ZNF318: variants seen among roughly 807,000 people sequenced by gnomAD.
ZNF318 encodes the protein endocrine regulator.
Under a neutral mutation model 124.2 loss-of-function variants are expected in ZNF318, and 51 were observed. The ratio of observed to expected loss-of-function variants is 0.41; its 90% CI spans 0.33 to 0.52. The LOEUF is 0.52. Ranked by LOEUF, ZNF318 falls within the 20% of genes least tolerant of loss-of-function variation. The pLI is 0.23. For missense variants in ZNF318, 2,815 were observed against 2,811.2 expected, an observed-to-expected ratio of 1.00 and a Z score of -0.03; for synonymous variants, 1,090 against 1,040.7, an observed-to-expected ratio of 1.05 and a Z score of -0.91.
At chr6:43,363,703 T>C (rs1034822312) in intron 2 of ZNF318, 7 of 553,032 alleles carry the variant, frequency 1.3e-5, no homozygotes, top group African/African-American at 1.2e-4. Flanking sequence ...CACTGACTTT[T>C]TCCTGGGGGC....
In ZNF318 at chr6:43,364,140, C is replaced by T. The variant is rs1779726735; in HGVS notation, c.548+1152G>A. ...AACTTCGCCAAGGCCACCTTTGATG[C>T]CATCTCTAAGACCTACAGCTACCTG... On this transcript the variant is annotated intron_variant, in intron 2 of 9. Transcript: ENST00000361428. The T allele has an allele frequency of 1.5e-5, 15 of 1,032,124 alleles. 1 individual carries two copies. The South Asian group carries it at 1.5e-4, about 10-fold the overall frequency. The allele number at this position is 1,032,124 out of a possible 1,614,324, so 63.9% of individuals were successfully genotyped here.
Position 43,342,282 on chromosome 6 carries a change from T to C in ZNF318, c.3277-71A>G, listed in dbSNP as rs575818038. On this transcript the variant is annotated intron_variant, in intron 7 of 9. Transcript: ENST00000361428. ...CAATGACCCACTTTTCTCTTTTTTTTCCCCCATAATAAGACCAGGGGACCA... is the reference window on the plus strand; with the variant it reads ...CAATGACCCACTTTTCTCTTTTTTTCCCCCCATAATAAGACCAGGGGACCA... The C allele has an allele frequency of 1.2e-4, 151 of 1,282,592 alleles. No individual in the cohort carries two copies. In the East Asian group the frequency reaches 1.4e-3, roughly 12 times the overall value. The allele number at this position is 1,282,592 out of a possible 1,614,324, so 79.5% of individuals were successfully genotyped here.
At position 43,368,958 on chromosome 6, in the gene ZNF318, T is replaced by A; in HGVS notation, c.399+9A>T. ...GATGGAGGGAGTCCTGGACGAGGGG[T>A]GGGATTACCCGGCTGCCGCTGTCGC... On this transcript the variant is annotated intron_variant, in intron 1 of 9. Coordinates refer to ENST00000361428, the MANE Select transcript of ZNF318 (RefSeq NM_014345.3). 1 of 1,388,264 alleles carries A rather than the reference T, an allele frequency of 7.2e-7. No homozygotes were observed. The highest frequency in any genetic ancestry group is 9.4e-7 in the Non-Finnish European group (1 of 1,068,748). 86.0% of individuals were successfully genotyped at this position (1,388,264 alleles called of 1,614,324 possible).
rs1332083888 is a variant in ZNF318 at position 43,337,711 on chromosome 6, C to T, written c.6287G>A (p.Ser2096Asn). Residue 2096 changes from serine (S) to asparagine (N), a missense_variant, in exon 10 of 10, where the codon AGT becomes AAT. Around this residue, in one of 4 missense-constraint regions of ZNF318, gnomAD observed 927 missense variants for 820.6 expected, o/e 1.13. Coordinates refer to ENST00000361428, the MANE Select transcript of ZNF318 (RefSeq NM_014345.3). ...AATGTTAGGAGAAGGGATCCTAACA[C>T]TCCTGGGATTAGGTGAGTTTCGTTC... ...EGERNSPNPR[S>N]VRIPSPNILK... The T allele has an allele frequency of 1.2e-6, 2 of 1,614,046 alleles. No homozygotes were observed. The highest frequency in any genetic ancestry group is 4.5e-5 in the East Asian group (2 of 44,892).
At position 43,348,312 on chromosome 6, in the gene ZNF318, T is replaced by C; in HGVS notation, c.3072+12A>G. ...AAAAAAGATGATAGAAATGGAAAAA[T>C]TGAGTTGTTACCTTGTTGGAGGAGG... On this transcript the variant is annotated intron_variant, in intron 6 of 9. Coordinates refer to ENST00000361428, the MANE Select transcript of ZNF318 (RefSeq NM_014345.3). The C allele has an allele frequency of 3.1e-6, 5 of 1,587,752 alleles. No homozygotes were observed. Among genetic ancestry groups the C allele is most frequent in the Non-Finnish European group, 4.3e-6 (5 of 1,169,828 alleles).
In ZNF318 at chr6:43,336,919, AC is replaced by A. The variant is rs1260696747; in HGVS notation, c.*238del. ...AATTGGCCAAAAAAATTAACAAAAT[AC>A]ATTTTTACAGATATATATATATATA... On this transcript the variant is annotated 3_prime_UTR_variant, in exon 10 of 10. Coordinates refer to ENST00000361428, the MANE Select transcript of ZNF318 (RefSeq NM_014345.3). 2.4e-5 allele frequency: 5 copies of A among 208,916 alleles called. No homozygotes were observed. Among genetic ancestry groups the A allele is most frequent in the African/African-American group, 7.1e-5 (3 of 42,484 alleles). The allele number at this position is 208,916 out of a possible 1,614,324, so 12.9% of individuals were successfully genotyped here. A position where few individuals can be genotyped will look rare whatever the true frequency, so the allele number is the denominator to read the frequency against.
At chr6:43,368,569 C>T (rs891487107) in intron 1 of ZNF318, 1 of 765,874 alleles carries the variant, frequency 1.3e-6, no homozygotes, top group Admixed American at 6.2e-5. Context: ...TCGGCTTTTT[C>T]CCCTAAGATC....
intron 1 of ZNF318, 30 bp downstream of exon 1, chr6:43,368,937 G>A: frequency 7.4e-7 from 1 of 1,358,756 alleles, no homozygotes; most frequent in African/African-American, 1.5e-5. Context: ...CTGGGGGATG[G>A]AGGGAGTCCT....
chr6:43,369,150 C>T lies in ZNF318; in HGVS notation c.216G>A (p.Pro72=). Residue 72 remains proline, a synonymous_variant, in exon 1 of 10, where the codon CCG becomes CCA. Transcript: ENST00000361428. ...ACGGGGAGACGCGACGACCCCGTGGCGGGGACGGCGAGGCCCGGCGGCCGC... is the reference window on the plus strand; with the variant it reads ...ACGGGGAGACGCGACGACCCCGTGGTGGGGACGGCGAGGCCCGGCGGCCGC... ...GHRGRRASPS[P]PRGRRVSPSP... 8.2e-7 allele frequency: 1 copy of T among 1,219,850 alleles called. No homozygotes were observed. Among genetic ancestry groups the T allele is most frequent in the Non-Finnish European group, 1.0e-6 (1 of 980,734 alleles). The allele number at this position is 1,219,850 out of a possible 1,614,324, so 75.6% of individuals were successfully genotyped here.
intron 3 of ZNF318, 85 bp from the exon 4 acceptor site, chr6:43,356,230 T>C: frequency 1.4e-6 from 2 of 1,418,888 alleles, no homozygotes; most frequent in Non-Finnish European, 1.9e-6. Context: ...TACTTTGGTC[T>C]TCCTGAATTA....
At chr6:43,353,459 C>G (rs1474863116) in intron 4 of ZNF318, among the ~76,000 whole-genome samples, 10 of 151,078 alleles carry the variant, frequency 6.6e-5, no homozygotes, top group Admixed American at 4.6e-4. Context: ...ACTGCAACCT[C>G]CATCTCCTAG....
rs1237387835 is a variant in ZNF318 at position 43,337,958 on chromosome 6, G to A, written c.6040C>T (p.Leu2014=). 2 of 1,614,062 alleles carry A rather than the reference G, an allele frequency of 1.2e-6. No individual in the cohort carries two copies. The highest frequency in any genetic ancestry group is 2.2e-5 in the East Asian group (1 of 44,894). ...ACAGGCATATCCCCCAGATTCCCCAGGGCAGTAAGCTCCTCTACCTTTAAG... is the reference window on the plus strand; with the variant it reads ...ACAGGCATATCCCCCAGATTCCCCAAGGCAGTAAGCTCCTCTACCTTTAAG... ...TDLKVEELTA[L]GNLGDMPVDF... is the part of the protein sequence containing the mutation. The change falls in exon 10 of 10, where the codon CTG becomes TTG. Residue 2014 remains leucine (L), a synonymous_variant. Transcript: ENST00000361428.
chr6:43,358,544 G>A (rs1363689859), intron 2 of ZNF318, among the ~76,000 whole-genome samples: 2 of 150,666 alleles, frequency 1.3e-5, no homozygotes, highest in Admixed American at 6.6e-5. Context: ...TTACAGGCAT[G>A]AGCCACCGCG....
Position 43,369,301 on chromosome 6 carries a change from CCG to C in ZNF318, c.63_64del (p.Gly22ProfsTer120). On this transcript the variant is annotated frameshift_variant, in exon 1 of 10. Coordinates refer to ENST00000361428, the MANE Select transcript of ZNF318 (RefSeq NM_014345.3). LOFTEE classifies it high-confidence loss of function. The stretch of plus-strand genomic sequence containing the variant: ...GCCAGAGCTGCGGCCGCTGCGCGGG[CCG>C]CCCCCGCCGTCGTCTTTAGGCCGGT... The C allele has an allele frequency of 7.5e-7, 1 of 1,341,462 alleles. No individual in the cohort carries two copies. The highest frequency in any genetic ancestry group is 9.6e-7 in the Non-Finnish European group (1 of 1,039,340). The allele number at this position is 1,341,462 out of a possible 1,614,324, so 83.1% of individuals were successfully genotyped here.
At chr6:43,340,637 T>C (rs1779362101) in intron 9 of ZNF318, 135 bp from the exon 10 acceptor site, 1 of 1,497,248 alleles carries the variant, frequency 6.7e-7, no homozygotes, top group African/African-American at 1.4e-5. Flanking sequence ...GGATGCTATC[T>C]GCTGAGCATC....
At chr6:43,364,327 G>T in intron 2 of ZNF318, 1 of 169,938 alleles carries the variant, frequency 5.9e-6, no homozygotes, top group Non-Finnish European at 1.1e-5. Context: ...AGTGAATTAA[G>T]CCTGAAAAAA....
Position 43,338,869 on chromosome 6 carries a change from C to T in ZNF318, c.5129G>A (p.Arg1710Lys), listed in dbSNP as rs369510065. Reference sequence around the variant, plus strand: ...CTCACTCTTCTCTGGAGATATATCCCTACTAGTGTCACTCTGGAAGGAACT... The same window carrying T: ...CTCACTCTTCTCTGGAGATATATCCTTACTAGTGTCACTCTGGAAGGAACT... ...TSSSFQSDTSRDISPEKSELD... is the reference protein window; with the variant it reads ...TSSSFQSDTSKDISPEKSELD... Residue 1710 changes from arginine (R) to lysine (K), a missense_variant, in exon 10 of 10, where the codon AGG becomes AAG. Coordinates refer to ENST00000361428, the MANE Select transcript of ZNF318 (RefSeq NM_014345.3). 9 of 1,614,000 alleles carry T rather than the reference C, an allele frequency of 5.6e-6. No individual in the cohort carries two copies. Among genetic ancestry groups the T allele is most frequent in the South Asian group, 2.2e-5 (2 of 91,088 alleles).
chr6:43,337,907 G>A lies in ZNF318; in HGVS notation c.6091C>T (p.Pro2031Ser). The change falls in exon 10 of 10, where the codon CCA (proline) becomes TCA (serine). Residue 2031 changes from proline (P) to serine (S), a missense_variant. This residue lies in a region of ZNF318 where 927 missense variants were observed against 820.6 expected (regional missense o/e 1.13). Coordinates refer to ENST00000361428, the MANE Select transcript of ZNF318 (RefSeq NM_014345.3). ...PVDFCTTRVS[P>S]AHRSPTVLCQ... ...AAGACAGTTGGGGATCTATGTGCTG[G>A]GCTTACCCGAGTAGTGCAGAAATCA... 6.2e-7 allele frequency: 1 copy of A among 1,614,136 alleles called. No homozygotes were observed. Among genetic ancestry groups the A allele is most frequent in the South Asian group, 1.1e-5 (1 of 91,080 alleles).
rs1779584477 is a variant in ZNF318, at chr6:43,355,058, G to C, written c.2276C>G (p.Ser759Cys). 6.2e-7 allele frequency: 1 copy of C among 1,614,168 alleles called. No individual in the cohort carries two copies. Among genetic ancestry groups the C allele is most frequent in the Non-Finnish European group, 8.5e-7 (1 of 1,179,996 alleles). The part of the protein sequence containing the change: ...PIRLPHTAAL[S>C]QFHMPRASQF... ...AGAGGCCCTTGGCATGTGAAACTGA[G>C]ATAAAGCAGCAGTGTGTGGAAGTCT... Residue 759 changes from serine to cysteine, a missense_variant, in exon 4 of 10, where the codon TCT (serine) becomes TGT (cysteine). Ser to Cys is a moderately radical substitution (Grantham distance 112). This residue lies in a region of ZNF318 where 1,377 missense variants were observed against 1,353.5 expected (regional missense o/e 1.02). Coordinates refer to ENST00000361428, the MANE Select transcript of ZNF318 (RefSeq NM_014345.3).
Sources: allele counts gnomAD v4.1 joint callset (sites outside exome capture counted in the v4.1 genomes callset), GRCh38; gene constraint gnomAD v4.1.1; regional missense constraint gnomAD v4.1.1; transcripts MANE v1.5; gene names NCBI Gene and HGNC (gene_info 2026-07-23, HGNC 2026-07-21).